ANKRD11: variants seen among roughly 807,000 people sequenced by gnomAD.
ANKRD11 encodes the protein ankyrin repeat domain 11, also known as ankyrin repeat domain-containing protein 11.
Under a neutral mutation model 195.7 loss-of-function variants are expected in ANKRD11, and 17 were observed. That is an observed-to-expected ratio of 0.09 (90% CI 0.06 to 0.13). The LOEUF (loss-of-function observed/expected upper bound fraction) is 0.13. ANKRD11 is among the 10% of genes least tolerant of loss of function. The pLI is 1.00. For synonymous variants in ANKRD11, 1,953 were observed against 1,528.1 expected, an observed-to-expected ratio of 1.28 and a Z score of -6.49; for missense variants, 3,735 against 3,566.1, an observed-to-expected ratio of 1.05 and a Z score of -1.21.
chr16:89,328,230 C>T (rs1385198367), intron 2 of ANKRD11, among the ~76,000 whole-genome samples: 1 of 152,216 alleles, frequency 6.6e-6, no homozygotes, highest in Non-Finnish European at 1.5e-5. Context: ...AAAGCTGGAA[C>T]TCTCTCGCTT....
chr16:89,451,250 T>C (rs952174133), intron 1 of ANKRD11, among the ~76,000 whole-genome samples: 1 of 152,120 alleles, frequency 6.6e-6, no homozygotes, highest in Non-Finnish European at 1.5e-5. Context: ...CGGGTTTTTG[T>C]TTTAAAAGTT....
intron 2 of ANKRD11, among the ~76,000 whole-genome samples, chr16:89,392,192 C>T (rs1019798414): frequency 4.6e-5 from 7 of 152,332 alleles, no homozygotes; most frequent in South Asian, 4.1e-4. Context: ...TGGTCTCCTT[C>T]ATTCGGTGTA....
At chr16:89,478,335 G>GT (rs962804223) in intron 1 of ANKRD11, among the ~76,000 whole-genome samples, 72 of 149,028 alleles carry the variant, frequency 4.8e-4, no homozygotes, top group Middle Eastern at 3.4e-3. Context: ...ATTGGGGTTG[G>GT]TTTTTTTTTT....
chr16:89,289,286 T>TAA (rs144454150), intron 6 of ANKRD11, among the ~76,000 whole-genome samples: 3 of 148,900 alleles, frequency 2.0e-5, no homozygotes, highest in East Asian at 3.9e-4. Flanking sequence ...AAAAATGCTT[T>TAA]AAAAAAAAAA....
intron 1 of ANKRD11, among the ~76,000 whole-genome samples, chr16:89,463,095 G>A (rs1389612015): frequency 6.6e-6 from 1 of 150,970 alleles, no homozygotes; most frequent in Non-Finnish European, 1.5e-5. Context: ...CCCGGGAGGT[G>A]AGGGGCGCCT....
At position 89,393,300 on chromosome 16, in the gene ANKRD11, CT is replaced by C. The variant is rs1445172508; in HGVS notation, c.-60+24983del. 2.0e-5 allele frequency among the ~76,000 whole-genome samples: 3 copies of C among 151,100 alleles called. No individual in the cohort carries two copies. The East Asian group carries it at 5.8e-4, about 29-fold the overall frequency. ...AAACTTTAGTTTCCTCTTTTTTTTA[CT>C]TTTTTTATTTTTATTTTTTTTTTTT... On this transcript the variant is annotated intron_variant, in intron 2 of 12. Coordinates refer to ENST00000301030, the MANE Select transcript of ANKRD11 (RefSeq NM_013275.6).
chr16:89,415,013 T>C (rs1019880813), intron 2 of ANKRD11, among the ~76,000 whole-genome samples: 4 of 150,888 alleles, frequency 2.7e-5, no homozygotes, highest in African/African-American at 7.3e-5. Context: ...GGTGTGATCA[T>C]AGCTCACTGC....
chr16:89,350,181 C>T (rs1373885277), intron 2 of ANKRD11, among the ~76,000 whole-genome samples: 3 of 152,182 alleles, frequency 2.0e-5, no homozygotes, highest in Non-Finnish European at 4.4e-5. Context: ...ATGGACTACA[C>T]CATGTAACGG....
At chr16:89,311,658 C>T (rs1218545336) in intron 3 of ANKRD11, among the ~76,000 whole-genome samples, 1 of 152,150 alleles carries the variant, frequency 6.6e-6, no homozygotes, top group Non-Finnish European at 1.5e-5. Flanking sequence ...CTGTGACCTT[C>T]GTTTGCCAAA....
chr16:89,403,381 A>AG (rs1407584037), intron 2 of ANKRD11, among the ~76,000 whole-genome samples: 1 of 152,014 alleles, frequency 6.6e-6, no homozygotes, highest in Non-Finnish European at 1.5e-5. Context: ...CATCTGTCTG[A>AG]GGATAGGAAG....
chr16:89,409,659 C>T (rs1032945122), intron 2 of ANKRD11, among the ~76,000 whole-genome samples: 1 of 152,142 alleles, frequency 6.6e-6, no homozygotes, highest in African/African-American at 2.4e-5. Flanking sequence ...CCAAAACACA[C>T]ACACACACGA....
In ANKRD11 at chr16:89,490,529, C is replaced by T. The variant is rs1197047414; in HGVS notation, c.-429G>A. ...GCGGCGCCTCCCCGGCTGGGGCCCT[C>T]GGTCCATCGCGCACCGTCTCAGGGC... On this transcript the variant is annotated 5_prime_UTR_variant, in exon 1 of 13. Coordinates refer to ENST00000301030, the MANE Select transcript of ANKRD11 (RefSeq NM_013275.6). The T allele has an allele frequency of 2.1e-6, 1 of 469,154 alleles. No individual in the cohort carries two copies. The highest frequency in any genetic ancestry group is 3.8e-6 in the Non-Finnish European group (1 of 261,386). 29.1% of individuals were successfully genotyped at this position (469,154 alleles called of 1,614,324 possible). A position where few individuals can be genotyped will look rare whatever the true frequency, so the allele number is the denominator to read the frequency against.
intron 1 of ANKRD11, among the ~76,000 whole-genome samples, chr16:89,432,998 TCACACACACA>T (rs142049824): frequency 7.1e-6 from 1 of 140,088 alleles, no homozygotes; most frequent in Non-Finnish European, 1.6e-5. Flanking sequence ...CTCCTCTCTC[TCACACACACA>T]CACACACACA....
Position 89,282,595 on chromosome 16 carries a change from C to G in ANKRD11, c.3947G>C (p.Gly1316Ala), listed in dbSNP as rs2034350893. ...DSFTDRGQEP[G>A]LTAFLEVSFT... Reference sequence around the variant, plus strand: ...AGAGACCTCCAGGAAGGCAGTCAGCCCCGGCTCCTGCCCTCGGTCCGTGAA... The same window carrying G: ...AGAGACCTCCAGGAAGGCAGTCAGCGCCGGCTCCTGCCCTCGGTCCGTGAA... The change falls in exon 9 of 13, where the codon GGG becomes GCG. Residue 1316 changes from glycine (G) to alanine (A), a missense_variant. Gly to Ala is a moderately conservative substitution (Grantham distance 60). Transcript: ENST00000301030. 6.2e-7 allele frequency: 1 copy of G among 1,614,050 alleles called. No individual in the cohort carries two copies. Among genetic ancestry groups the G allele is most frequent in the Non-Finnish European group, 8.5e-7 (1 of 1,180,038 alleles).
chr16:89,311,105 T>G (rs1470777029), intron 3 of ANKRD11, among the ~76,000 whole-genome samples: 1 of 152,234 alleles, frequency 6.6e-6, no homozygotes, highest in Non-Finnish European at 1.5e-5. Flanking sequence ...AAATAATGAA[T>G]GTGTGTTAAC....
chr16:89,471,375 G>A (rs113995885), intron 1 of ANKRD11, among the ~76,000 whole-genome samples: 223 of 152,110 alleles, frequency 1.5e-3, no homozygotes, highest in African/African-American at 5.0e-3. Context: ...TTCACGAGAC[G>A]GCAAGAACTC....
chr16:89,313,423 G>A (rs1423404927), intron 3 of ANKRD11: 1 of 1,289,130 alleles, frequency 7.8e-7, no homozygotes, highest in Admixed American at 2.3e-5. Flanking sequence ...ACCGTCTGCA[G>A]AAGGGGCCCT....
chr16:89,344,447 C>CA (rs1207291796), intron 2 of ANKRD11, among the ~76,000 whole-genome samples: 12 of 152,212 alleles, frequency 7.9e-5, no homozygotes, highest in Admixed American at 2.0e-4. Flanking sequence ...GCTGTCCACA[C>CA]ACTCCTAGAA....
chr16:89,459,575 G>A (rs2056579658), intron 1 of ANKRD11: 1 of 152,104 alleles, frequency 6.6e-6, no homozygotes, highest in African/African-American at 2.4e-5. Flanking sequence ...TTCAGTTCCT[G>A]CATAATATGT....
Sources: allele counts gnomAD v4.1 joint callset (sites outside exome capture counted in the v4.1 genomes callset), GRCh38; gene constraint gnomAD v4.1.1; transcripts MANE v1.5; gene names NCBI Gene and HGNC (gene_info 2026-07-23, HGNC 2026-07-21).